The following BLZF1 variants were observed in gnomAD, a reference collection of about 807,000 sequenced individuals.
BLZF1 encodes golgin-45.
Under a neutral mutation model 43.8 loss-of-function variants are expected in BLZF1, and 39 were observed. The ratio of observed to expected loss-of-function variants is 0.89; its 90% CI spans 0.69 to 1.16. The LOEUF is 1.16. Ranked by LOEUF, BLZF1 falls within the 50% of genes most tolerant of loss-of-function variation. BLZF1 has a pLI of 0.00. For synonymous variants in BLZF1, 136 were observed against 159.4 expected (o/e 0.85, Z 1.11); for missense variants, 449 against 469.8 (o/e 0.96, Z 0.41).
chr1:169,387,063 T>C lies in BLZF1; in HGVS notation c.1084T>C (p.Ser362Pro), dbSNP rs768568248. 4 of 1,613,566 alleles carry C rather than the reference T, an allele frequency of 2.5e-6. No homozygotes were observed. In the Admixed American group the frequency reaches 6.7e-5, roughly 27 times the overall value. ...SSPDNPFFES[S>P]PTTLLATKKN... ...ACCTGATAATCCATTTTTTGAGTCT[T>C]CACCAACCACCTTACTTGCTACAAA... Residue 362 changes from serine to proline, a missense_variant, in exon 7 of 7, where the codon TCA becomes CCA. Coordinates refer to ENST00000367808, the MANE Select transcript of BLZF1 (RefSeq NM_001320973.2).
At chr1:169,369,670 C>T (rs147196680) in intron 2 of BLZF1, 120 bp downstream of exon 2, 1 of 673,664 alleles carries the variant, frequency 1.5e-6, no homozygotes, top group East Asian at 2.8e-5. Context: ...ATTTCAGATC[C>T]CTTTATGTTT....
downstream of BLZF1, among the ~76,000 whole-genome samples, chr1:169,389,128 A>G (rs1442818462): frequency 6.6e-6 from 1 of 151,614 alleles, no homozygotes; most frequent in Non-Finnish European, 1.5e-5. Context: ...TCTCAAAAAA[A>G]AAAAGAATAC....
intron 6 of BLZF1, among the ~76,000 whole-genome samples, chr1:169,384,484 A>C (rs1241434776): frequency 6.6e-6 from 1 of 152,160 alleles, no homozygotes; most frequent in Non-Finnish European, 1.5e-5. Context: ...CTCATTATTG[A>C]ATCAGAATTC....
At chr1:169,382,808 G>T (rs571499150) in intron 6 of BLZF1, among the ~76,000 whole-genome samples, 1 of 152,166 alleles carries the variant, frequency 6.6e-6, no homozygotes, top group South Asian at 2.1e-4. Context: ...CCCCATCTGG[G>T]TCCCTGCCTG....
intron 4 of BLZF1, among the ~76,000 whole-genome samples, chr1:169,379,617 AT>A (rs1239112075): frequency 6.6e-6 from 1 of 152,024 alleles, no homozygotes; most frequent in Non-Finnish European, 1.5e-5. Flanking sequence ...ATTTTAATTG[AT>A]GTAATCTTCT....
chr1:169,377,002 A>G, intron 3 of BLZF1, 23 bp downstream of exon 3: 1 of 1,583,800 alleles, frequency 6.3e-7, no homozygotes, highest in Non-Finnish European at 8.6e-7. Context: ...TTAATCGATA[A>G]AATGAGTACT....
chr1:169,378,666 T>G, intron 4 of BLZF1, 137 bp downstream of exon 4: 1 of 717,300 alleles, frequency 1.4e-6, no homozygotes, highest in South Asian at 1.9e-5. Context: ...AGATGTGGAC[T>G]CTCTCTCCTC....
At chr1:169,369,054 C>T (rs1371398257) in intron 1 of BLZF1, among the ~76,000 whole-genome samples, 1 of 152,132 alleles carries the variant, frequency 6.6e-6, no homozygotes, top group Non-Finnish European at 1.5e-5. Context: ...GTTTGTTAAA[C>T]ATCTAAACAG....
At chr1:169,382,021 G>C in intron 5 of BLZF1, 41 bp from the exon 6 acceptor site, 1 of 1,418,982 alleles carries the variant, frequency 7.0e-7, no homozygotes, top group Non-Finnish European at 9.7e-7. Flanking sequence ...TTTACATTTT[G>C]CTCTCTTACT....
intron 2 of BLZF1, among the ~76,000 whole-genome samples, chr1:169,371,997 T>G (rs991072755): frequency 3.9e-5 from 6 of 152,276 alleles, no homozygotes; most frequent in African/African-American, 7.2e-5. Context: ...AGTATAACTT[T>G]AATACTAATG....
intron 6 of BLZF1, among the ~76,000 whole-genome samples, chr1:169,385,444 C>T (rs970970401): frequency 2.0e-4 from 31 of 152,198 alleles, no homozygotes; most frequent in Non-Finnish European, 1.0e-4. Flanking sequence ...GCATAAAATC[C>T]TTCCCCATCA....
At chr1:169,386,235 G>GA (rs1476957707) in intron 6 of BLZF1, among the ~76,000 whole-genome samples, 1 of 152,086 alleles carries the variant, frequency 6.6e-6, no homozygotes, top group Non-Finnish European at 1.5e-5. Context: ...TAGAAAAAGA[G>GA]AAATGAAAAG....
intron 7 of BLZF1, among the ~76,000 whole-genome samples, chr1:169,394,135 A>G (rs1290661190): frequency 6.6e-6 from 1 of 152,238 alleles, no homozygotes; most frequent in African/African-American, 2.4e-5. Flanking sequence ...AGATCAGTCT[A>G]TGTGAACAAA....
chr1:169,377,022 G>A lies in BLZF1; in HGVS notation c.468+43G>A, dbSNP rs78043796. The A allele has an allele frequency of 2.9e-3, 4,377 of 1,489,906 alleles. 114 individuals carry two copies. In the African/African-American group the frequency reaches 0.052, roughly 18 times the overall value. The allele number at this position is 1,489,906 out of a possible 1,614,324, so 92.3% of individuals were successfully genotyped here. A position where few individuals can be genotyped will look rare whatever the true frequency, so the allele number is the denominator to read the frequency against. ...CGATAAAATGAGTACTACTCTTTAC[G>A]TCTGGACCTTTTAAACGTGCATGTT... On this transcript the variant is annotated intron_variant, in intron 3 of 6. Coordinates refer to ENST00000367808, the MANE Select transcript of BLZF1 (RefSeq NM_001320973.2).
At chr1:169,395,326 G>A (rs2102030067) in intron 7 of BLZF1, 1 of 865,596 alleles carries the variant, frequency 1.2e-6, no homozygotes, top group Non-Finnish European at 1.6e-6. Flanking sequence ...TACTGTCACA[G>A]CACAAATTTT....
chr1:169,369,433 A>G, intron 1 of BLZF1, 40 bp from the exon 2 acceptor site: 2 of 1,089,582 alleles, frequency 1.8e-6, no homozygotes, highest in Non-Finnish European at 2.7e-6. Context: ...ATGTGTTTAT[A>G]TGATATTTTT....
chr1:169,371,864 T>C (rs1571433003), intron 2 of BLZF1, among the ~76,000 whole-genome samples: 1 of 152,196 alleles, frequency 6.6e-6, no homozygotes, highest in East Asian at 1.9e-4. Flanking sequence ...TTCCATAAAA[T>C]AGTCTAACAC....
At chr1:169,369,425 G>C (rs756489322) in intron 1 of BLZF1, 48 bp from the exon 2 acceptor site, 120 of 951,224 alleles carry the variant, frequency 1.3e-4, no homozygotes, top group Non-Finnish European at 1.7e-4. Context: ...GGTACTCTAT[G>C]TGTTTATATG....
chr1:169,368,506 T>TGACA (rs1197041589), intron 1 of BLZF1, 164 bp downstream of exon 1: 1 of 152,216 alleles, frequency 6.6e-6, no homozygotes, highest in Non-Finnish European at 1.5e-5. Context: ...ACAGCAAAGT[T>TGACA]GACAGGCTTG....
Sources: gnomAD v4.1 joint callset for allele counts (sites outside exome capture counted in the v4.1 genomes callset) on GRCh38, gnomAD v4.1.1 for gene constraint, MANE v1.5 for transcripts, NCBI Gene and HGNC (gene_info 2026-07-23, HGNC 2026-07-21) for gene names.